The following KIF27 variants were observed in gnomAD, a reference collection of about 807,000 sequenced individuals.
The protein encoded by KIF27 is kinesin-like protein KIF27.
Under a neutral mutation model 141.8 loss-of-function variants are expected in KIF27, and 84 were observed. The ratio of observed to expected loss-of-function variants is 0.59; its 90% confidence interval spans 0.50 to 0.71. The LOEUF (loss-of-function observed/expected upper bound fraction) is 0.71, where lower values mean the gene tolerates loss of function less well. KIF27 is among the 30% of genes least tolerant of loss of function. The pLI is 0.00. For missense variants in KIF27, 1,306 were observed against 1,628.4 expected (o/e 0.80, Z 3.41); for synonymous variants, 471 against 569.5 (o/e 0.83, Z 2.46).
At chr9:83,864,931 G>A (rs888356996) in intron 13 of KIF27, among the ~76,000 whole-genome samples, 2 of 152,122 alleles carry the variant, frequency 1.3e-5, no homozygotes, top group African/African-American at 4.8e-5. Flanking sequence ...ATTATGTAAT[G>A]GCCTTCTTTA....
intron 13 of KIF27, among the ~76,000 whole-genome samples, chr9:83,866,603 C>A (rs548889568): frequency 6.6e-5 from 10 of 152,206 alleles, no homozygotes; most frequent in African/African-American, 2.4e-4. Flanking sequence ...CAAGGCCGGG[C>A]ATGGTGGCTC....
intron 7 of KIF27, 123 bp from the exon 8 acceptor site, chr9:83,888,715 T>A: frequency 1.9e-6 from 1 of 535,962 alleles, no homozygotes; most frequent in Non-Finnish European, 3.2e-6. Context: ...AAACAGAATG[T>A]TACTAATATT....
intron 13 of KIF27, among the ~76,000 whole-genome samples, chr9:83,861,147 A>G (rs1949859666): frequency 6.6e-6 from 1 of 150,986 alleles, no homozygotes; most frequent in Non-Finnish European, 1.5e-5. Flanking sequence ...TCTTTTGGGT[A>G]CTCATTTTGC....
At chr9:83,862,581 T>C (rs1480541897) in intron 13 of KIF27, among the ~76,000 whole-genome samples, 1 of 152,188 alleles carries the variant, frequency 6.6e-6, no homozygotes, top group Non-Finnish European at 1.5e-5. Flanking sequence ...ACTGTAGCCT[T>C]GTAGTATAGT....
intron 14 of KIF27, chr9:83,858,829 T>C (rs1258918746): frequency 1.2e-5 from 4 of 323,660 alleles, no homozygotes; most frequent in Non-Finnish European, 2.3e-5. Context: ...TCCAGAAGAG[T>C]CCCTCAAATC....
rs772057381 is a variant in KIF27, at chr9:83,884,015, T to C, written c.2243A>G (p.Asn748Ser). 72 of 1,587,514 alleles carry C rather than the reference T, an allele frequency of 4.5e-5. No homozygotes were observed. The highest frequency in any genetic ancestry group is 1.7e-4 in the Middle Eastern group (1 of 5,998). Residue 748 changes from asparagine to serine, a missense_variant, in exon 10 of 18, where the codon AAT becomes AGT. Around this residue, in one of 4 missense-constraint regions of KIF27, gnomAD observed 596 missense variants for 751.6 expected, o/e 0.79. Coordinates refer to ENST00000297814, the MANE Select transcript of KIF27 (RefSeq NM_017576.4). ...DLIKELIKTG[N>S]DAKSVSKQYS... ...CTGCTTGCTTACAGACTTGGCATCA[T>C]TACCTTAACCGTAATAATAATTATT...
chr9:83,835,800 C>CAA lies in KIF27; in HGVS notation c.*1200_*1201insTT. ...ATGTCAGGATGGTTTTGCTACAGCC[C>CAA]CCAACAAAACATTAATTAGTTTAAG... On this transcript the variant is annotated 3_prime_UTR_variant, in exon 18 of 18. Transcript: ENST00000297814. 1 of 152,084 alleles carries CAA rather than the reference C, an allele frequency of 6.6e-6. No homozygotes were observed. Among genetic ancestry groups the CAA allele is most frequent in the Non-Finnish European group, 1.5e-5 (1 of 68,022 alleles). The allele number at this position is 152,084 out of a possible 1,614,324, so 9.4% of individuals were successfully genotyped here.
At chr9:83,879,864 C>T (rs1951530935) in intron 11 of KIF27, among the ~76,000 whole-genome samples, 1 of 152,188 alleles carries the variant, frequency 6.6e-6, no homozygotes, top group Non-Finnish European at 1.5e-5. Context: ...GCATACAGGT[C>T]TGATCATTTT....
chr9:83,872,117 A>T (rs1412392962), intron 11 of KIF27, among the ~76,000 whole-genome samples: 2 of 151,184 alleles, frequency 1.3e-5, no homozygotes, highest in Non-Finnish European at 3.0e-5. Flanking sequence ...TGAGGTCAGG[A>T]GTTCAAGACC....
At chr9:83,839,030 T>G (rs1386669875) in intron 17 of KIF27, among the ~76,000 whole-genome samples, 2 of 152,100 alleles carry the variant, frequency 1.3e-5, no homozygotes, top group African/African-American at 4.8e-5. Context: ...TGCGGTGGTT[T>G]ATGCCTGTAG....
chr9:83,859,100 A>G (rs1588035099), intron 14 of KIF27, 56 bp downstream of exon 14: 2 of 1,135,868 alleles, frequency 1.8e-6, no homozygotes, highest in Non-Finnish European at 2.7e-6. Context: ...AGACTGAGGA[A>G]ATCACTCAAG....
Position 83,903,934 on chromosome 9 carries a change from G to T in KIF27, c.584C>A (p.Thr195Lys). ...LLEMGNAARH[T>K]GTTQMNEHSS... ...GTGCTCATTCATTTGAGTGGTACCT[G>T]TATGTCTGGCTGCATTCCCCATCTC... is the stretch of plus-strand genomic sequence containing the variant. Residue 195 changes from threonine (T) to lysine (K), a missense_variant, in exon 4 of 18, where the codon ACA (threonine) becomes AAA (lysine). By Grantham distance (78) the Thr-to-Lys change is moderately conservative (BLOSUM62 -1). Transcript: ENST00000297814. The T allele has an allele frequency of 2.5e-6, 4 of 1,614,122 alleles. No individual in the cohort carries two copies. The highest frequency in any genetic ancestry group is 3.4e-6 in the Non-Finnish European group (4 of 1,180,012).
At chr9:83,871,486 T>G (rs901350321) in intron 11 of KIF27, among the ~76,000 whole-genome samples, 1 of 152,170 alleles carries the variant, frequency 6.6e-6, no homozygotes, top group Non-Finnish European at 1.5e-5. Context: ...TCTTCTGCCT[T>G]TCTGAGCTTA....
At chr9:83,897,355 A>T (rs1235603548) in intron 5 of KIF27, among the ~76,000 whole-genome samples, 1 of 152,190 alleles carries the variant, frequency 6.6e-6, no homozygotes, top group Non-Finnish European at 1.5e-5. Flanking sequence ...ATAGCACTCA[A>T]AACAGTTGTG....
intron 4 of KIF27, among the ~76,000 whole-genome samples, chr9:83,902,044 A>AT (rs1424598976): frequency 6.6e-6 from 1 of 152,212 alleles, no homozygotes; most frequent in Non-Finnish European, 1.5e-5. Context: ...TCTTTGAGGG[A>AT]TCTCGCTTTA....
intron 16 of KIF27, among the ~76,000 whole-genome samples, chr9:83,846,214 T>C (rs568297457): frequency 3.9e-5 from 6 of 152,322 alleles, no homozygotes; most frequent in Non-Finnish European, 5.9e-5. Context: ...GTTGATTATA[T>C]TGGACCTCTT....
rs760374017 is a variant in KIF27, at chr9:83,850,120, A to G, written c.3535T>C (p.Leu1179=). ...QQKEHEQKMQ[L]LLHHFKEQDG... The stretch of plus-strand genomic sequence containing the variant: ...TTACCTTTGAAATGATGTAATAGCA[A>G]CTGCATCTTTTGTTCGTGTTCCTTT... Residue 1179 remains leucine (L), a synonymous_variant, in exon 16 of 18, where the codon TTG becomes CTG. Coordinates refer to ENST00000297814, the MANE Select transcript of KIF27 (RefSeq NM_017576.4). The G allele has an allele frequency of 1.9e-6, 3 of 1,613,936 alleles. No homozygotes were observed. Among genetic ancestry groups the G allele is most frequent in the Admixed American group, 3.3e-5 (2 of 60,014 alleles).
intron 1 of KIF27, among the ~76,000 whole-genome samples, chr9:83,916,404 G>A (rs1371315644): frequency 1.3e-5 from 2 of 152,032 alleles, no homozygotes; most frequent in African/African-American, 2.4e-5. Context: ...TCTCCTCTTT[G>A]CCACAATTAT....
At chr9:83,906,353 T>C (rs1178572809) in intron 3 of KIF27, among the ~76,000 whole-genome samples, 2 of 152,214 alleles carry the variant, frequency 1.3e-5, no homozygotes, top group East Asian at 3.8e-4. Context: ...TAAAGCCATC[T>C]TACTTTCCTA....
Sources: gnomAD v4.1 joint callset for allele counts (sites outside exome capture counted in the v4.1 genomes callset) on GRCh38, gnomAD v4.1.1 for gene constraint, gnomAD v4.1.1 regional missense constraint, MANE v1.5 for transcripts, NCBI Gene and HGNC (gene_info 2026-07-23, HGNC 2026-07-21) for gene names.